LEF1: variants seen among roughly 807,000 people sequenced by gnomAD.
LEF1 encodes the protein lymphoid enhancer binding factor 1, also known as lymphoid enhancer-binding factor 1.
A neutral mutation model predicts 51.2 loss-of-function variants in LEF1; 14 were observed. The ratio of observed to expected loss-of-function variants is 0.27; its 90% CI spans 0.18 to 0.43. The LOEUF is 0.43. Ranked by LOEUF, LEF1 falls within the 20% of genes least tolerant of loss-of-function variation. The probability of loss-of-function intolerance (pLI) is 1.00; values close to 1 mark genes in which losing one functional copy is unlikely to be tolerated. For missense variants in LEF1, 386 were observed against 512.0 expected (o/e 0.75, Z 2.37); for synonymous variants, 185 against 183.2 (o/e 1.01, Z -0.08).
intron 8 of LEF1, 41 bp downstream of exon 8, chr4:108,078,179 C>T (rs369196055): frequency 7.0e-5 from 112 of 1,596,686 alleles, no homozygotes; most frequent in Non-Finnish European, 9.2e-5. Flanking sequence ...GAAGCAGTTC[C>T]ATGGCTACCA....
chr4:108,086,611 G>A (rs1207709464), intron 4 of LEF1, among the ~76,000 whole-genome samples: 1 of 152,202 alleles, frequency 6.6e-6, no homozygotes, highest in Non-Finnish European at 1.5e-5. Flanking sequence ...GAATAGGACT[G>A]TTGTGAAGAA....
At chr4:108,140,066 TAC>T (rs146234304) in intron 3 of LEF1, among the ~76,000 whole-genome samples, 1 of 151,762 alleles carries the variant, frequency 6.6e-6, no homozygotes, top group African/African-American at 2.4e-5. Context: ...AACATAAAAA[TAC>T]ACACACACAC....
At chr4:108,057,010 G>A (rs1229392004) in intron 11 of LEF1, among the ~76,000 whole-genome samples, 1 of 151,676 alleles carries the variant, frequency 6.6e-6, no homozygotes, top group Admixed American at 6.6e-5. Flanking sequence ...GGGTAGCTGC[G>A]CAGCCACGTG....
At chr4:108,127,787 G>A (rs1398964840) in intron 3 of LEF1, among the ~76,000 whole-genome samples, 1 of 152,164 alleles carries the variant, frequency 6.6e-6, no homozygotes, top group Non-Finnish European at 1.5e-5. Context: ...GCTTGTACAA[G>A]ACAAAAAGTC....
At chr4:108,057,830 T>G (rs1737406098) in intron 11 of LEF1, among the ~76,000 whole-genome samples, 1 of 152,208 alleles carries the variant, frequency 6.6e-6, no homozygotes, top group Admixed American at 6.5e-5. Flanking sequence ...AGGCTGAAGT[T>G]TTTATTTAGC....
At chr4:108,066,848 A>C (rs1390250636) in intron 9 of LEF1, among the ~76,000 whole-genome samples, 1 of 152,202 alleles carries the variant, frequency 6.6e-6, no homozygotes, top group East Asian at 1.9e-4. Context: ...GGCTAATCTC[A>C]CCCAAGAAAA....
intron 3 of LEF1, among the ~76,000 whole-genome samples, chr4:108,092,031 T>C (rs1053910980): frequency 6.6e-6 from 1 of 152,224 alleles, no homozygotes; most frequent in Non-Finnish European, 1.5e-5. Context: ...AGCACCACCT[T>C]AAGGAACTTG....
At chr4:108,070,945 C>G in intron 8 of LEF1, 175 bp from the exon 9 acceptor site, 1 of 546,976 alleles carries the variant, frequency 1.8e-6, no homozygotes, top group Non-Finnish European at 3.2e-6. Flanking sequence ...CTAGTGGCTA[C>G]AGTGAAACTC....
chr4:108,158,418 A>AG (rs1553960307), intron 3 of LEF1, among the ~76,000 whole-genome samples: 106 of 150,324 alleles, frequency 7.1e-4, no homozygotes, highest in Admixed American at 2.7e-3. Context: ...CCCTTAAAAA[A>AG]AGAGAGAGAG....
chr4:108,143,811 T>C (rs956268174), intron 3 of LEF1, among the ~76,000 whole-genome samples: 4 of 152,164 alleles, frequency 2.6e-5, no homozygotes, highest in African/African-American at 7.2e-5. Flanking sequence ...ACTAAAAGCA[T>C]ATGGAATCTC....
intron 3 of LEF1, among the ~76,000 whole-genome samples, chr4:108,161,713 T>C (rs1358683913): frequency 6.6e-6 from 1 of 152,202 alleles, no homozygotes; most frequent in African/African-American, 2.4e-5. Flanking sequence ...TTTCATTATA[T>C]TGATTTTTTA....
intron 3 of LEF1, among the ~76,000 whole-genome samples, chr4:108,119,235 T>C (rs1266985877): frequency 1.3e-5 from 2 of 150,624 alleles, no homozygotes; most frequent in Admixed American, 6.7e-5. Flanking sequence ...CCTTGGGTTC[T>C]AAATCATTTG....
chr4:108,122,194 A>T (rs572966986), intron 3 of LEF1, among the ~76,000 whole-genome samples: 1 of 152,312 alleles, frequency 6.6e-6, no homozygotes, highest in East Asian at 1.9e-4. Context: ...ACTGATAGAG[A>T]TAAGTTGAAA....
chr4:108,130,273 T>C (rs1742789737), intron 3 of LEF1, among the ~76,000 whole-genome samples: 1 of 152,188 alleles, frequency 6.6e-6, no homozygotes, highest in African/African-American at 2.4e-5. Flanking sequence ...TCTCCTTAAA[T>C]GAGACCATTA....
At chr4:108,148,208 AATAG>A (rs1166297803) in intron 3 of LEF1, among the ~76,000 whole-genome samples, 1 of 152,152 alleles carries the variant, frequency 6.6e-6, no homozygotes, top group African/African-American at 2.4e-5. Context: ...ATGCTCTATA[AATAG>A]TTCTGAGTTT....
At chr4:108,095,677 AACCC>A (rs1418798692) in intron 3 of LEF1, among the ~76,000 whole-genome samples, 1 of 152,222 alleles carries the variant, frequency 6.6e-6, no homozygotes, top group Non-Finnish European at 1.5e-5. Context: ...ACGCATGGAA[AACCC>A]ACTATTCTCC....
intron 3 of LEF1, among the ~76,000 whole-genome samples, chr4:108,144,422 C>G (rs983909976): frequency 6.6e-6 from 1 of 152,194 alleles, no homozygotes; most frequent in African/African-American, 2.4e-5. Context: ...GCTTATCAAG[C>G]AGATCCCCCT....
intron 9 of LEF1, among the ~76,000 whole-genome samples, chr4:108,070,065 T>C (rs559745468): frequency 3.3e-5 from 5 of 152,178 alleles, no homozygotes; most frequent in South Asian, 2.1e-4. Context: ...AAAACTGTTA[T>C]GTATAGACAT....
chr4:108,119,065 A>C (rs2110330298), intron 3 of LEF1, among the ~76,000 whole-genome samples: 1 of 151,702 alleles, frequency 6.6e-6, no homozygotes, highest in Middle Eastern at 3.4e-3. Context: ...AAACACATGA[A>C]AATAAGATTT....
Sources: allele counts gnomAD v4.1 joint callset (sites outside exome capture counted in the v4.1 genomes callset), GRCh38; gene constraint gnomAD v4.1.1; transcripts MANE v1.5; gene names NCBI Gene and HGNC (gene_info 2026-07-23, HGNC 2026-07-21).